The following FRYL variants were observed in gnomAD, a reference collection of about 807,000 sequenced individuals.
FRYL encodes FRY like transcription coactivator.
Under a neutral mutation model 351.2 loss-of-function variants are expected in FRYL, and 150 were observed. The ratio of observed to expected loss-of-function variants is 0.43; its 90% CI spans 0.37 to 0.49. FRYL has a LOEUF of 0.49. FRYL is among the 20% of genes least tolerant of loss of function. The probability of loss-of-function intolerance (pLI) is 0.00; values close to 1 mark genes in which losing one functional copy is unlikely to be tolerated. For synonymous variants in FRYL, 1,153 were observed against 1,257.1 expected (o/e 0.92, Z 1.75); for missense variants, 3,036 against 3,619.3 (o/e 0.84, Z 4.13).
intron 13 of FRYL, among the ~76,000 whole-genome samples, chr4:48,597,511 G>A (rs1744838417): frequency 1.3e-5 from 2 of 152,034 alleles, no homozygotes; most frequent in South Asian, 4.2e-4. Flanking sequence ...AGTGTGGGTA[G>A]GGAAATTTAC....
intron 33 of FRYL, among the ~76,000 whole-genome samples, chr4:48,561,097 C>T (rs1735411065): frequency 6.6e-6 from 1 of 152,220 alleles, no homozygotes; most frequent in African/African-American, 2.4e-5. Context: ...AACTTTATCC[C>T]TGCCTATTTT....
chr4:48,669,267 G>A (rs1178717101), intron 3 of FRYL, among the ~76,000 whole-genome samples: 1 of 152,170 alleles, frequency 6.6e-6, no homozygotes, highest in Non-Finnish European at 1.5e-5. Context: ...CCAGGAAGGT[G>A]CAGCAACTGA....
At chr4:48,683,301 G>A (rs1578713717) in intron 3 of FRYL, among the ~76,000 whole-genome samples, 1 of 151,828 alleles carries the variant, frequency 6.6e-6, no homozygotes, top group East Asian at 1.9e-4. Flanking sequence ...GATAGCATTA[G>A]GAGAAACACC....
chr4:48,683,611 A>C (rs972508121), intron 3 of FRYL, among the ~76,000 whole-genome samples: 2 of 152,152 alleles, frequency 1.3e-5, no homozygotes, highest in African/African-American at 2.4e-5. Flanking sequence ...ATTAATACAA[A>C]TCCTGTCTCA....
rs1577986273 is a variant in FRYL, at chr4:48,534,579, A to T, written c.6671T>A (p.Leu2224Gln). 5 of 1,612,848 alleles carry T rather than the reference A, an allele frequency of 3.1e-6. No homozygotes were observed. The Admixed American group carries it at 8.3e-5, about 27-fold the overall frequency. The change falls in exon 49 of 64, where the codon CTG becomes CAG. Residue 2224 changes from leucine (L) to glutamine (Q), a missense_variant. Leu to Gln is a moderately radical substitution (Grantham distance 113). Coordinates refer to ENST00000358350, the MANE Select transcript of FRYL (RefSeq NM_015030.2). ...LSAAPAKQFN[L>Q]EIIKIIGKYV... is the part of the protein sequence containing the mutation. ...TTTGCCAATAATCTTTATGATCTCC[A>T]GATTAAACTGCTTGGCTGGGGCTGC...
In FRYL at chr4:48,634,476, T is replaced by G. The variant is rs756235843; in HGVS notation, c.-66A>C. ...GAAGCACAGTATTTATTTACTTTGC[T>G]GACTGGCGCTGAAGCTAAAAGTAAA... On this transcript the variant is annotated 5_prime_UTR_variant, in exon 4 of 64. Coordinates refer to ENST00000358350, the MANE Select transcript of FRYL (RefSeq NM_015030.2). 4 of 1,610,214 alleles carry G rather than the reference T, an allele frequency of 2.5e-6. No individual in the cohort carries two copies. The East Asian group carries it at 8.9e-5, about 36-fold the overall frequency.
At chr4:48,634,065 T>C (rs956450094) in intron 4 of FRYL, among the ~76,000 whole-genome samples, 7 of 152,254 alleles carry the variant, frequency 4.6e-5, no homozygotes, top group African/African-American at 9.6e-5. Context: ...CTTTATTTCC[T>C]ATGTTTTATT....
At chr4:48,657,534 T>C (rs1316034184) in intron 3 of FRYL, among the ~76,000 whole-genome samples, 2 of 152,188 alleles carry the variant, frequency 1.3e-5, no homozygotes, top group Non-Finnish European at 2.9e-5. Context: ...TACTGCAAGA[T>C]TGTCAAAAGA....
intron 35 of FRYL, among the ~76,000 whole-genome samples, chr4:48,554,656 T>A (rs922505870): frequency 3.3e-5 from 5 of 152,224 alleles, no homozygotes; most frequent in Admixed American, 2.6e-4. Flanking sequence ...TTATCATGGT[T>A]ACCCAGTGAT....
chr4:48,541,271 C>A (rs556554397), intron 45 of FRYL, among the ~76,000 whole-genome samples: 1 of 152,288 alleles, frequency 6.6e-6, no homozygotes, highest in South Asian at 2.1e-4. Context: ...CCAAAGCTGA[C>A]TTCATTTGTC....
At chr4:48,755,469 A>G (rs1560359383) in intron 1 of FRYL, among the ~76,000 whole-genome samples, 1 of 152,200 alleles carries the variant, frequency 6.6e-6, no homozygotes, top group East Asian at 1.9e-4. Context: ...GCCTCAACCA[A>G]TCACATTTCT....
At chr4:48,514,484 A>G (rs1358218070) in intron 56 of FRYL, among the ~76,000 whole-genome samples, 1 of 152,180 alleles carries the variant, frequency 6.6e-6, no homozygotes, top group Non-Finnish European at 1.5e-5. Context: ...AAAAAGTTCC[A>G]CTTGAGAATT....
Position 48,540,430 on chromosome 4 carries a change from T to C in FRYL, c.6218A>G (p.Gln2073Arg). The C allele has an allele frequency of 1.2e-6, 2 of 1,613,994 alleles. No individual in the cohort carries two copies. The highest frequency in any genetic ancestry group is 1.1e-5 in the South Asian group (1 of 91,076). ...ACTGAGGAGGTGCACGGTCATTTCT[T>C]GTGTAGATGCTGAGGTAAAACCCTT... ...FLKGFTSAST[Q>R]EMTVHLLSKL... The change falls in exon 46 of 64, where the codon CAA (glutamine) becomes CGA (arginine). Residue 2073 changes from glutamine (Q) to arginine (R), a missense_variant. By Grantham distance (43) the Gln-to-Arg change is conservative. Transcript: ENST00000358350.
Position 48,501,656 on chromosome 4 carries a change from G to A in FRYL, c.8559C>T (p.Ile2853=), listed in dbSNP as rs374288747. ...CATTTTTTATCGTATTTACTTGGTTGATAAGTTTACAGTAGGCCTGGAACA... is the reference window on the plus strand; with the variant it reads ...CATTTTTTATCGTATTTACTTGGTTAATAAGTTTACAGTAGGCCTGGAACA... ...LLLFQAYCKL[I]NQVNTIKNEA... is the part of the protein sequence containing the mutation. The change falls in exon 62 of 64, where the codon ATC becomes ATT. Residue 2853 remains isoleucine, a synonymous_variant. Coordinates refer to ENST00000358350, the MANE Select transcript of FRYL (RefSeq NM_015030.2). 102 of 1,606,644 alleles carry A rather than the reference G, an allele frequency of 6.3e-5. No homozygotes were observed. Among genetic ancestry groups the A allele is most frequent in the Non-Finnish European group, 8.6e-5 (101 of 1,173,774 alleles).
rs1560753223 is a variant in FRYL, at chr4:48,632,091, AATATATATATATATATATAT to A, written c.120+2180_120+2199del. ...AAAAAAAAAAAAAAAAAAAAAAAAAAATATATATATATATATATATATATATATATATATATATGCGCACA... is the reference window on the plus strand; with the variant it reads ...AAAAAAAAAAAAAAAAAAAAAAAAAAATATATATATATATATATGCGCACA... On this transcript the variant is annotated intron_variant, in intron 4 of 63. Coordinates refer to ENST00000358350, the MANE Select transcript of FRYL (RefSeq NM_015030.2). Among the ~76,000 whole-genome samples, 82 of 23,388 alleles carry A rather than the reference AATATATATATATATATATAT, an allele frequency of 3.5e-3. 2 individuals carry two copies. Among genetic ancestry groups the A allele is most frequent in the South Asian group, 9.7e-3 (4 of 414 alleles). The allele number at this position is 23,388 out of a possible 152,430, so 15.3% of individuals were successfully genotyped here. A position where few individuals can be genotyped will look rare whatever the true frequency, so the allele number is the denominator to read the frequency against.
Position 48,708,211 on chromosome 4 carries a change from G to A in FRYL, c.-204+2308C>T, listed in dbSNP as rs193223911. Among the ~76,000 whole-genome samples, 792 of 151,866 alleles carry A rather than the reference G, an allele frequency of 5.2e-3. 8 individuals carry two copies. The highest frequency in any genetic ancestry group is 0.018 in the African/African-American group (767 of 41,468). On this transcript the variant is annotated intron_variant, in intron 2 of 63. Transcript: ENST00000358350. ...GGAGAATCGCTTGAACCCAGGAGGC[G>A]GAGGTTGCAGTAAGCCGAGATTGAG...
intron 1 of FRYL, among the ~76,000 whole-genome samples, chr4:48,718,547 A>G (rs62309750): frequency 1.3e-5 from 2 of 151,496 alleles, no homozygotes; most frequent in Non-Finnish European, 2.9e-5. Context: ...TCACACTCTA[A>G]AGTGTGAAAA....
chr4:48,757,387 C>T (rs939876487), intron 1 of FRYL, among the ~76,000 whole-genome samples: 37 of 152,202 alleles, frequency 2.4e-4, no homozygotes, highest in African/African-American at 8.4e-4. Context: ...GCAACTTCAG[C>T]AAAGTCTCAG....
chr4:48,593,651 A>T (rs1184304351), intron 16 of FRYL, among the ~76,000 whole-genome samples: 1 of 152,186 alleles, frequency 6.6e-6, no homozygotes, highest in African/African-American at 2.4e-5. Flanking sequence ...GGCATGAGCC[A>T]CCGTGCCCGG....
Sources: gnomAD v4.1 joint callset for allele counts (sites outside exome capture counted in the v4.1 genomes callset) on GRCh38, gnomAD v4.1.1 for gene constraint, MANE v1.5 for transcripts, NCBI Gene and HGNC (gene_info 2026-07-23, HGNC 2026-07-21) for gene names.